The following DDAH1 variants were observed in gnomAD, a reference collection of about 807,000 sequenced individuals.
DDAH1 encodes the protein dimethylarginine dimethylaminohydrolase 1, also known as N(G),N(G)-dimethylarginine dimethylaminohydrolase 1.
A neutral mutation model predicts 28.8 loss-of-function variants in DDAH1; 19 were observed. The observed-to-expected ratio is 0.66, with a 90% CI of 0.46 to 0.97. The LOEUF (loss-of-function observed/expected upper bound fraction) is 0.97. Ranked by LOEUF, DDAH1 falls within the 50% of genes least tolerant of loss-of-function variation. DDAH1 has a pLI of 0.00. For missense variants in DDAH1, 326 were observed against 375.9 expected (o/e 0.87, Z 1.10); for synonymous variants, 153 against 154.4 (o/e 0.99, Z 0.07).
chr1:85,321,878 G>A lies in DDAH1; in HGVS notation c.742-310C>T, dbSNP rs567089004. Among the ~76,000 whole-genome samples the A allele has an allele frequency of 4.6e-5, 7 of 152,270 alleles. No individual in the cohort carries two copies. In the South Asian group the frequency reaches 8.3e-4, roughly 18 times the overall value. ...CATGGAAGTTGGTGACCATGTGTCA[G>A]TCTGAATATTACTTTCTCTTCACAC... is the stretch of plus-strand genomic sequence containing the variant. On this transcript the variant is annotated intron_variant, in intron 5 of 5. Coordinates refer to ENST00000284031, the MANE Select transcript of DDAH1 (RefSeq NM_012137.4).
chr1:85,333,855 G>A (rs72722676), intron 4 of DDAH1, among the ~76,000 whole-genome samples: 1 of 152,134 alleles, frequency 6.6e-6, no homozygotes, highest in Non-Finnish European at 1.5e-5. Flanking sequence ...AAGTTTAATG[G>A]CATAGAAAAA....
At chr1:85,425,625 G>GC (rs1258443628) in intron 1 of DDAH1, among the ~76,000 whole-genome samples, 2 of 152,090 alleles carry the variant, frequency 1.3e-5, no homozygotes, top group African/African-American at 4.8e-5. Context: ...ATGTTTCTTT[G>GC]CAAGAACTTA....
intron 1 of DDAH1, among the ~76,000 whole-genome samples, chr1:85,375,240 A>G (rs1356579533): frequency 6.6e-6 from 1 of 152,114 alleles, no homozygotes; most frequent in African/African-American, 2.4e-5. Context: ...GTAACTTTAC[A>G]ACTGCAAAAT....
At chr1:85,542,463 A>G (rs34181267) in intron 1 of DDAH1, among the ~76,000 whole-genome samples, 25,490 of 152,186 alleles carry the variant, frequency 0.17, 2,843 homozygotes, top group African/African-American at 0.31. Flanking sequence ...ATATCTGGCT[A>G]GGAATTTCTG....
At chr1:85,527,047 T>C (rs1657896634) in intron 1 of DDAH1, among the ~76,000 whole-genome samples, 1 of 152,226 alleles carries the variant, frequency 6.6e-6, no homozygotes, top group Admixed American at 6.5e-5. Flanking sequence ...CCTGGATTGG[T>C]GGCAGTGGAG....
At chr1:85,443,469 C>T (rs1436010584) in intron 1 of DDAH1, among the ~76,000 whole-genome samples, 1 of 152,172 alleles carries the variant, frequency 6.6e-6, no homozygotes, top group Non-Finnish European at 1.5e-5. Context: ...ATGATGCCTC[C>T]AGCTTTGTTC....
intron 1 of DDAH1, among the ~76,000 whole-genome samples, chr1:85,384,977 G>A (rs1483460408): frequency 1.3e-5 from 2 of 152,192 alleles, no homozygotes; most frequent in African/African-American, 4.8e-5. Context: ...TAATTAAGGA[G>A]ACCTTTTATA....
At chr1:85,331,120 A>C (rs1307483296) in intron 4 of DDAH1, among the ~76,000 whole-genome samples, 1 of 152,234 alleles carries the variant, frequency 6.6e-6, no homozygotes, top group Non-Finnish European at 1.5e-5. Context: ...CTTTCAGCCC[A>C]AGAGAATCTG....
At chr1:85,387,032 C>A (rs1383945062) in intron 1 of DDAH1, among the ~76,000 whole-genome samples, 1 of 152,140 alleles carries the variant, frequency 6.6e-6, no homozygotes, top group East Asian at 1.9e-4. Flanking sequence ...TGGGCCATTC[C>A]CCTGAAACCA....
At chr1:85,566,774 ATGTG>A (rs147913088) in intron 1 of DDAH1, among the ~76,000 whole-genome samples, 2 of 151,432 alleles carry the variant, frequency 1.3e-5, no homozygotes, top group Admixed American at 6.6e-5. Flanking sequence ...GTATGTATAT[ATGTG>A]TGTGTGTGTG....
At chr1:85,403,929 G>C (rs904587877) in intron 1 of DDAH1, among the ~76,000 whole-genome samples, 1 of 152,150 alleles carries the variant, frequency 6.6e-6, no homozygotes, top group Non-Finnish European at 1.5e-5. Context: ...ATGGATACAT[G>C]TTGTACTCTT....
intron 1 of DDAH1, among the ~76,000 whole-genome samples, chr1:85,463,111 A>G (rs1396843728): frequency 6.6e-6 from 1 of 152,234 alleles, no homozygotes; most frequent in African/African-American, 2.4e-5. Flanking sequence ...GATTCAGTCT[A>G]ATGTTTTTAT....
chr1:85,330,410 C>A (rs1016583903), intron 4 of DDAH1, among the ~76,000 whole-genome samples: 1 of 152,180 alleles, frequency 6.6e-6, no homozygotes, highest in Non-Finnish European at 1.5e-5. Flanking sequence ...TCTGTTCCAA[C>A]ATTTTTTCCT....
At chr1:85,342,111 G>A (rs1236766767) in intron 4 of DDAH1, among the ~76,000 whole-genome samples, 2 of 152,052 alleles carry the variant, frequency 1.3e-5, no homozygotes, top group Admixed American at 1.3e-4. Flanking sequence ...TTCAAGAAGA[G>A]AACGAGTATA....
Position 85,577,424 on chromosome 1 carries a change from T to A in DDAH1, c.-123+560A>T, listed in dbSNP as rs150653818. 9.9e-5 allele frequency among the ~76,000 whole-genome samples: 15 copies of A among 152,206 alleles called. No homozygotes were observed. The East Asian group carries it at 2.7e-3, about 27-fold the overall frequency. On this transcript the variant is annotated intron_variant, in intron 1 of 6. Coordinates refer to the DDAH1 transcript ENST00000426972. The stretch of plus-strand genomic sequence containing the variant: ...CACCATTAAGTTCTGTTCATTAAGG[T>A]GGCTTTGAAGAGTGGAGTTGTGAGG...
intron 2 of DDAH1, among the ~76,000 whole-genome samples, chr1:85,475,155 G>C (rs1655752444): frequency 6.6e-6 from 1 of 152,028 alleles, no homozygotes; most frequent in Non-Finnish European, 1.5e-5. Context: ...GTACAATCCT[G>C]GTCAATTAAC....
chr1:85,375,748 G>C (rs1234642839), intron 1 of DDAH1, among the ~76,000 whole-genome samples: 2 of 151,990 alleles, frequency 1.3e-5, no homozygotes, highest in Non-Finnish European at 2.9e-5. Context: ...ATCCAGTTTA[G>C]TATGCTATTA....
At chr1:85,392,117 A>G (rs1442821553) in intron 1 of DDAH1, among the ~76,000 whole-genome samples, 1 of 152,114 alleles carries the variant, frequency 6.6e-6, no homozygotes, top group African/African-American at 2.4e-5. Flanking sequence ...TTTTGGCTTA[A>G]GCAACAAAAA....
chr1:85,571,706 A>G (rs1413085616), intron 1 of DDAH1, among the ~76,000 whole-genome samples: 1 of 151,698 alleles, frequency 6.6e-6, no homozygotes, highest in Non-Finnish European at 1.5e-5. Context: ...TAATTCTCCC[A>G]AAGACATTTT....
Sources: allele counts gnomAD v4.1 joint callset (sites outside exome capture counted in the v4.1 genomes callset), GRCh38; gene constraint gnomAD v4.1.1; transcripts MANE v1.5; gene names NCBI Gene and HGNC (gene_info 2026-07-23, HGNC 2026-07-21).